Variants in PPFIA2 observed in about 807,000 individuals in gnomAD.
PPFIA2 encodes the protein PPFI scaffold protein A2, also known as liprin-alpha-2.
Under a neutral mutation model 175.5 loss-of-function variants are expected in PPFIA2, and 46 were observed. That is an observed-to-expected ratio of 0.26 (90% CI 0.21 to 0.34). The LOEUF (loss-of-function observed/expected upper bound fraction) is 0.34. PPFIA2 is among the 10% of genes least tolerant of loss of function. PPFIA2 has a pLI of 1.00. For synonymous variants in PPFIA2, 568 were observed against 511.4 expected, an observed-to-expected ratio of 1.11 and a Z score of -1.49; for missense variants, 1,179 against 1,506.1, an observed-to-expected ratio of 0.78 and a Z score of 3.60.
At chr12:81,574,412 C>A (rs1353657942) in intron 4 of PPFIA2, among the ~76,000 whole-genome samples, 1 of 151,438 alleles carries the variant, frequency 6.6e-6, no homozygotes, top group African/African-American at 2.4e-5. Flanking sequence ...TTTGATATTC[C>A]TTGTATTTTT....
At chr12:81,539,977 C>T (rs990183758) in intron 4 of PPFIA2, among the ~76,000 whole-genome samples, 3 of 151,960 alleles carry the variant, frequency 2.0e-5, no homozygotes, top group African/African-American at 2.4e-5. Context: ...AGGTTTTAAA[C>T]ATCCAGGCAT....
intron 24 of PPFIA2, chr12:81,292,833 A>G (rs1219043417): frequency 1.3e-5 from 2 of 152,130 alleles, no homozygotes; most frequent in African/African-American, 4.8e-5. Context: ...AGGTATAGTG[A>G]AAAACATTTG....
At chr12:81,573,639 C>T (rs1014181147) in intron 4 of PPFIA2, among the ~76,000 whole-genome samples, 1 of 151,766 alleles carries the variant, frequency 6.6e-6, no homozygotes, top group African/African-American at 2.4e-5. Flanking sequence ...TTGGTTTAAC[C>T]ACCACAATCA....
chr12:81,569,302 G>A (rs1205219305), intron 4 of PPFIA2, among the ~76,000 whole-genome samples: 1 of 152,072 alleles, frequency 6.6e-6, no homozygotes, highest in East Asian at 1.9e-4. Flanking sequence ...TGGTTCTGCT[G>A]TACAAATGAG....
intron 2 of PPFIA2, among the ~76,000 whole-genome samples, chr12:81,754,652 C>G (rs2084362206): frequency 6.6e-6 from 1 of 152,294 alleles, no homozygotes; most frequent in East Asian, 1.9e-4. Flanking sequence ...ATGGCAAGCA[C>G]AGTGTCTGGC....
intron 3 of PPFIA2, among the ~76,000 whole-genome samples, chr12:81,686,653 C>T (rs561862576): frequency 6.6e-6 from 1 of 152,188 alleles, no homozygotes; most frequent in South Asian, 2.1e-4. Context: ...TCAGCCATTG[C>T]CATGGCCAAC....
chr12:81,603,371 A>C (rs917509576), intron 4 of PPFIA2, among the ~76,000 whole-genome samples: 5 of 151,812 alleles, frequency 3.3e-5, no homozygotes, highest in Non-Finnish European at 7.4e-5. Flanking sequence ...AAGAACGATC[A>C]ATCATTATTT....
chr12:81,443,289 A>C (rs1355573800), intron 6 of PPFIA2, among the ~76,000 whole-genome samples: 1 of 152,034 alleles, frequency 6.6e-6, no homozygotes, highest in Non-Finnish European at 1.5e-5. Flanking sequence ...TGATCAAGTC[A>C]CTTATCCAGA....
chr12:81,279,784 G>T (rs1029748068), intron 27 of PPFIA2, among the ~76,000 whole-genome samples: 1 of 152,012 alleles, frequency 6.6e-6, no homozygotes, highest in South Asian at 2.1e-4. Flanking sequence ...TAATGCAAAC[G>T]TGAAATATGA....
intron 4 of PPFIA2, among the ~76,000 whole-genome samples, chr12:81,600,615 T>C (rs772361581): frequency 5.9e-5 from 9 of 151,968 alleles, no homozygotes; most frequent in Non-Finnish European, 1.3e-4. Flanking sequence ...CCACATGGGA[T>C]TTATTCAAAT....
intron 13 of PPFIA2, 94 bp downstream of exon 13, chr12:81,368,631 G>T: frequency 8.1e-7 from 1 of 1,241,880 alleles, no homozygotes; most frequent in East Asian, 2.5e-5. Flanking sequence ...CTAAGTAAAT[G>T]GATCATCTGA....
rs539803887 is a variant in PPFIA2 at position 81,748,912 on chromosome 12, C to T, written c.249+5061G>A. 1.4e-4 allele frequency among the ~76,000 whole-genome samples: 20 copies of T among 144,686 alleles called. 2 individuals are homozygous for T. The highest frequency in any genetic ancestry group is 1.3e-3 in the East Asian group (6 of 4,724). 94.9% of individuals were successfully genotyped at this position (144,686 alleles called of 152,430 possible). ...TTGCACCACACATAATAACAGCCTA[C>T]GCTTCACAGCCACTATATAGAACTT... On this transcript the variant is annotated intron_variant, in intron 3 of 32. Coordinates refer to ENST00000549396, the MANE Select transcript of PPFIA2 (RefSeq NM_003625.5).
chr12:81,393,686 A>T (rs2040569865), intron 8 of PPFIA2, among the ~76,000 whole-genome samples: 1 of 152,084 alleles, frequency 6.6e-6, no homozygotes, highest in South Asian at 2.1e-4. Flanking sequence ...CACAAGGAGT[A>T]CCAAGAGTCC....
chr12:81,340,473 G>C (rs761515576), intron 20 of PPFIA2, among the ~76,000 whole-genome samples: 15 of 152,040 alleles, frequency 9.9e-5, no homozygotes, highest in Non-Finnish European at 2.2e-4. Flanking sequence ...AGTGATTATA[G>C]AGATCTGTTT....
chr12:81,606,668 T>C (rs185928783), intron 4 of PPFIA2, among the ~76,000 whole-genome samples: 11 of 152,146 alleles, frequency 7.2e-5, no homozygotes, highest in African/African-American at 7.2e-5. Context: ...AGGTTATTTG[T>C]TTTTTGCTTG....
chr12:81,363,239 G>A (rs1392632163), intron 14 of PPFIA2, among the ~76,000 whole-genome samples: 1 of 151,352 alleles, frequency 6.6e-6, no homozygotes, highest in Non-Finnish European at 1.5e-5. Context: ...CTTTTACTCT[G>A]CATGAGATAG....
intron 3 of PPFIA2, among the ~76,000 whole-genome samples, chr12:81,744,292 G>T (rs2082733827): frequency 6.6e-6 from 1 of 151,948 alleles, no homozygotes; most frequent in Non-Finnish European, 1.5e-5. Flanking sequence ...TATTAGACTG[G>T]GGATCCTTAA....
At chr12:81,545,038 T>C (rs1401101290) in intron 4 of PPFIA2, among the ~76,000 whole-genome samples, 5 of 151,394 alleles carry the variant, frequency 3.3e-5, no homozygotes, top group African/African-American at 1.2e-4. Flanking sequence ...TTTCTATTGG[T>C]ACAACACTTT....
At chr12:81,289,053 G>A (rs190920351) in intron 24 of PPFIA2, among the ~76,000 whole-genome samples, 1 of 151,904 alleles carries the variant, frequency 6.6e-6, no homozygotes, top group African/African-American at 2.4e-5. Context: ...CCTTAGGTGA[G>A]TCAGTTTACT....
Sources: gnomAD v4.1 joint callset for allele counts (sites outside exome capture counted in the v4.1 genomes callset) on GRCh38, gnomAD v4.1.1 for gene constraint, MANE v1.5 for transcripts, NCBI Gene and HGNC (gene_info 2026-07-23, HGNC 2026-07-21) for gene names.